The following IDO2 variants were observed in gnomAD, a reference collection of about 807,000 sequenced individuals.
IDO2 encodes the protein indoleamine 2,3-dioxygenase-like 1 protein.
Under a neutral mutation model 45.1 loss-of-function variants are expected in IDO2, and 46 were observed. That is an observed-to-expected ratio of 1.02 (90% CI 0.80 to 1.30). IDO2 has a LOEUF of 1.30. IDO2 is among the 50% of genes most tolerant of loss of function. The pLI is 0.00. For missense variants in IDO2, 544 were observed against 491.8 expected (o/e 1.11, Z -1.00); for synonymous variants, 218 against 184.9 (o/e 1.18, Z -1.45).
At chr8:39,987,910 C>T (rs1045814856) in exon 7 of IDO2, 1 of 1,611,534 alleles carries the variant, frequency 6.2e-7, no homozygotes, top group South Asian at 1.1e-5. Context: ...GGGGAGAGAG[C>T]CTGCATGGTT....
At chr8:39,960,466 A>C (rs1807975279) in intron 2 of IDO2, among the ~76,000 whole-genome samples, 1 of 152,094 alleles carries the variant, frequency 6.6e-6, no homozygotes, top group Non-Finnish European at 1.5e-5. Context: ...ATAGCCAACT[A>C]TAAACTGCTC....
At chr8:39,962,711 A>G (rs2729459) in intron 2 of IDO2, among the ~76,000 whole-genome samples, 54,896 of 151,326 alleles carry the variant, frequency 0.36, 10,461 homozygotes, top group East Asian at 0.58. Context: ...TCACACACAA[A>G]CTGAAAAGGC....
chr8:39,951,286 T>G (rs1396308021), intron 2 of IDO2, among the ~76,000 whole-genome samples: 1 of 151,062 alleles, frequency 6.6e-6, no homozygotes, highest in East Asian at 2.0e-4. Context: ...TTTTTTTTTT[T>G]TTTTTCTGAG....
chr8:39,959,008 G>A (rs908410640), intron 2 of IDO2, among the ~76,000 whole-genome samples: 4 of 151,982 alleles, frequency 2.6e-5, no homozygotes, highest in African/African-American at 9.7e-5. Flanking sequence ...CTCACTTTAC[G>A]GTGACTAAAA....
Position 39,993,669 on chromosome 8 carries a change from T to C in IDO2, c.667+3831T>C, listed in dbSNP as rs76686370. Among the ~76,000 whole-genome samples, 646 of 152,326 alleles carry C rather than the reference T, an allele frequency of 4.2e-3. 3 individuals carry two copies. Among genetic ancestry groups the C allele is most frequent in the Non-Finnish European group, 6.8e-3 (461 of 68,038 alleles). On this transcript the variant is annotated intron_variant, in intron 8 of 10. Transcript: ENST00000502986. ...TTCTTCTTTAATAAATTCTATATGA[T>C]AATAAAATCATACAAACATCTCTTT...
At chr8:39,994,339 C>A (rs901616159) in intron 8 of IDO2, among the ~76,000 whole-genome samples, 1 of 151,494 alleles carries the variant, frequency 6.6e-6, no homozygotes, top group Non-Finnish European at 1.5e-5. Context: ...TTCACCACAA[C>A]CTCTGCGTCC....
At chr8:39,972,250 A>T (rs1808190175) in intron 3 of IDO2, among the ~76,000 whole-genome samples, 1 of 152,248 alleles carries the variant, frequency 6.6e-6, no homozygotes, top group African/African-American at 2.4e-5. Flanking sequence ...GATAAAAAAA[A>T]ATTAGAATGT....
chr8:39,970,523 C>CT (rs771407195), intron 3 of IDO2, among the ~76,000 whole-genome samples: 1 of 152,182 alleles, frequency 6.6e-6, no homozygotes, highest in Non-Finnish European at 1.5e-5. Context: ...TTCCCAGTAC[C>CT]TGGGATTACA....
intron 1 of IDO2, among the ~76,000 whole-genome samples, chr8:39,937,553 C>A (rs184644652): frequency 6.7e-6 from 1 of 149,748 alleles, no homozygotes; most frequent in Non-Finnish European, 1.5e-5. Flanking sequence ...CAAGGTGTCA[C>A]ATTGTCTCTC....
rs141902636 is a variant in IDO2 at position 39,968,189 on chromosome 8, G to A, written c.195+4486G>A. 1.2e-4 allele frequency among the ~76,000 whole-genome samples: 18 copies of A among 152,132 alleles called. 1 individual carries two copies. The highest frequency in any genetic ancestry group is 4.1e-4 in the South Asian group (2 of 4,824). On this transcript the variant is annotated intron_variant, in intron 3 of 10. Transcript: ENST00000502986. ...GATGGATAGTGGAATAGTATTCAGC[G>A]ATACAAATGATTGAGCAATTAATTT...
At chr8:39,971,290 G>A (rs186794126) in intron 3 of IDO2, among the ~76,000 whole-genome samples, 176 of 152,220 alleles carry the variant, frequency 1.2e-3, no homozygotes, top group African/African-American at 4.1e-3. Flanking sequence ...ATGCTTTACT[G>A]AATACTTTAA....
At chr8:39,975,656 C>T (rs72630528) in intron 3 of IDO2, among the ~76,000 whole-genome samples, 10,495 of 152,122 alleles carry the variant, frequency 0.069, 406 homozygotes, top group Middle Eastern at 0.14. Flanking sequence ...TATAAAACAC[C>T]TGAATCTTTT....
At position 39,979,049 on chromosome 8, in the gene IDO2, T is replaced by A; in HGVS notation, c.196-18T>A. On this transcript the variant is annotated intron_variant, in intron 3 of 10. Transcript: ENST00000502986. The stretch of plus-strand genomic sequence containing the variant: ...GTTCCCATCCCTCCTCTGACGGCAT[T>A]TGGACTTTCATGAACAGATGCCCCT... The A allele has an allele frequency of 6.4e-7, 1 of 1,564,984 alleles. No individual in the cohort carries two copies. The highest frequency in any genetic ancestry group is 8.7e-7 in the Non-Finnish European group (1 of 1,154,644).
At chr8:39,979,976 C>T (rs1808318503) in intron 4 of IDO2, among the ~76,000 whole-genome samples, 1 of 152,172 alleles carries the variant, frequency 6.6e-6, no homozygotes, top group Non-Finnish European at 1.5e-5. Flanking sequence ...CATGTACCGC[C>T]ACACCCAGCT....
In IDO2 at chr8:39,981,994, C is replaced by T. The variant is rs191773377; in HGVS notation, c.316-658C>T. Among the ~76,000 whole-genome samples, 9 of 152,216 alleles carry T rather than the reference C, an allele frequency of 5.9e-5. No homozygotes were observed. The East Asian group carries it at 1.4e-3, about 23-fold the overall frequency. On this transcript the variant is annotated intron_variant, in intron 4 of 10. Coordinates refer to ENST00000502986, the Ensembl canonical transcript of IDO2. ...TGGGTTTGACTTATGGAGTAAGAGA[C>T]GGAGTCAGTTTCCCCACAGGCTGAG...
chr8:39,979,573 G>A (rs112266009), intron 4 of IDO2, among the ~76,000 whole-genome samples: 7 of 151,510 alleles, frequency 4.6e-5, no homozygotes, highest in East Asian at 2.0e-4. Context: ...GGCTGGTCTC[G>A]AACTCTTGAC....
chr8:39,953,762 G>A (rs983198809), intron 2 of IDO2, among the ~76,000 whole-genome samples: 2 of 151,720 alleles, frequency 1.3e-5, no homozygotes, highest in African/African-American at 4.8e-5. Context: ...ACGGGGTTTC[G>A]CCATGTTGGC....
rs1428726652 is a variant in IDO2, at chr8:40,004,533, A to AGATAGAT, written c.668-793_668-787dup. 1.8e-3 allele frequency among the ~76,000 whole-genome samples: 237 copies of AGATAGAT among 134,290 alleles called. 2 individuals carry two copies. The highest frequency in any genetic ancestry group is 6.0e-3 in the African/African-American group (225 of 37,724). 88.1% of individuals were successfully genotyped at this position (134,290 alleles called of 152,430 possible). A position where few individuals can be genotyped will look rare whatever the true frequency, so the allele number is the denominator to read the frequency against. ...CAGATTAGACAGACAGATGATAGATAGATAGATAGATAGATAGATAGATAG... is the reference window on the plus strand; with the variant it reads ...CAGATTAGACAGACAGATGATAGATAGATAGATGATAGATAGATAGATAGATAGATAG... On this transcript the variant is annotated intron_variant, in intron 8 of 10. Transcript: ENST00000502986.
At chr8:39,979,341 A>C (rs531992136) in intron 4 of IDO2, among the ~76,000 whole-genome samples, 155 bp downstream of exon 4, 2 of 150,592 alleles carry the variant, frequency 1.3e-5, no homozygotes, top group Admixed American at 6.6e-5. Flanking sequence ...GGGCTCATTT[A>C]TTATTTATTA....
Sources: gnomAD v4.1 joint callset for allele counts (sites outside exome capture counted in the v4.1 genomes callset) on GRCh38, gnomAD v4.1.1 for gene constraint, MANE v1.5 for transcripts, NCBI Gene and HGNC (gene_info 2026-07-23, HGNC 2026-07-21) for gene names.